Variants in RARB observed in about 807,000 individuals in gnomAD.
The protein encoded by RARB is retinoic acid receptor beta, also known as HBV-activated protein.
Under a neutral mutation model 51.9 loss-of-function variants are expected in RARB, and 17 were observed. The ratio of observed to expected loss-of-function variants is 0.33; its 90% CI spans 0.22 to 0.49. The LOEUF (loss-of-function observed/expected upper bound fraction) is 0.49, where lower values mean the gene tolerates loss of function less well. RARB is among the 20% of genes least tolerant of loss of function. The pLI is 0.99. For synonymous variants in RARB, 215 were observed against 195.4 expected, an observed-to-expected ratio of 1.10 and a Z score of -0.84; for missense variants, 369 against 550.8, an observed-to-expected ratio of 0.67 and a Z score of 3.30.
intron 5 of RARB, among the ~76,000 whole-genome samples, chr3:25,262,660 CTT>C (rs1375577696): frequency 1.3e-5 from 2 of 152,190 alleles, no homozygotes; most frequent in Non-Finnish European, 2.9e-5. Flanking sequence ...CTGCTTTCCT[CTT>C]TCACTTTTGA....
intron 2 of RARB, among the ~76,000 whole-genome samples, chr3:25,002,536 AAATT>A (rs1371977658): frequency 2.7e-4 from 41 of 152,282 alleles, no homozygotes; most frequent in African/African-American, 6.7e-4. Flanking sequence ...TTTAGGCTAA[AAATT>A]AATTGTTTTT....
At chr3:25,199,957 G>A (rs539447012) in intron 5 of RARB, among the ~76,000 whole-genome samples, 18 of 151,688 alleles carry the variant, frequency 1.2e-4, no homozygotes, top group East Asian at 1.9e-4. Flanking sequence ...TTGGGTATAC[G>A]CCCAGTAATG....
intron 2 of RARB, among the ~76,000 whole-genome samples, chr3:24,859,160 A>G (rs1003263532): frequency 1.3e-5 from 2 of 152,020 alleles, no homozygotes; most frequent in African/African-American, 4.8e-5. Context: ...CCAGTTAATC[A>G]GTTCAACTCA....
At chr3:24,898,851 C>G (rs1559387572) in intron 2 of RARB, among the ~76,000 whole-genome samples, 3 of 152,270 alleles carry the variant, frequency 2.0e-5, no homozygotes. Context: ...ACACCACATT[C>G]AAGGTAGGAA....
intron 2 of RARB, among the ~76,000 whole-genome samples, chr3:24,996,474 T>G (rs2125272600): frequency 6.6e-6 from 1 of 152,184 alleles, no homozygotes; most frequent in African/African-American, 2.4e-5. Flanking sequence ...CTGTTCTGAT[T>G]TTACTATTTT....
intron 3 of RARB, among the ~76,000 whole-genome samples, chr3:25,522,936 T>C (rs1698464002): frequency 6.6e-6 from 1 of 152,196 alleles, no homozygotes; most frequent in Non-Finnish European, 1.5e-5. Flanking sequence ...TAGAATATAA[T>C]TTAAATGTTC....
chr3:24,839,974 T>C lies in RARB; in HGVS notation c.-459+10571T>C, dbSNP rs1360719052. Among the ~76,000 whole-genome samples, 3 of 152,308 alleles carry C rather than the reference T, an allele frequency of 2.0e-5. No individual in the cohort carries two copies. In the East Asian group the frequency reaches 5.8e-4, roughly 29 times the overall value. ...GGGAGCAGGGGATTGGATGGTATCA[T>C]AGCTGAGAGCACAGCTCTATGACTC... is the stretch of plus-strand genomic sequence containing the variant. On this transcript the variant is annotated intron_variant, in intron 1 of 11. Coordinates refer to the RARB transcript ENST00000383772.
intron 3 of RARB, among the ~76,000 whole-genome samples, chr3:25,130,162 T>C (rs17517019): frequency 0.12 from 18,826 of 152,112 alleles, 1,549 homozygotes; most frequent in South Asian, 0.28. Context: ...CTATGTTTTG[T>C]TCATTTACAG....
intron 2 of RARB, among the ~76,000 whole-genome samples, chr3:24,936,046 C>T (rs566013804): frequency 6.6e-6 from 1 of 152,186 alleles, no homozygotes; most frequent in African/African-American, 2.4e-5. Context: ...AGTGTAGTTG[C>T]TGAGGATCCA....
rs147150682 is a variant in RARB at position 25,537,619 on chromosome 3, G to A, written c.449-32139G>A. On this transcript the variant is annotated intron_variant, in intron 3 of 7. Transcript: ENST00000330688. ...ATGCCTGTGGAATGAGGGGACTGTG[G>A]GTTTTAGTGTGTATTTCTGCAGCTC... 3.6e-3 allele frequency among the ~76,000 whole-genome samples: 554 copies of A among 152,226 alleles called. 4 individuals are homozygous for A. Among genetic ancestry groups the A allele is most frequent in the Middle Eastern group, 0.017 (5 of 294 alleles).
At chr3:25,500,770 C>T (rs1221429527) in intron 2 of RARB, among the ~76,000 whole-genome samples, 2 of 152,114 alleles carry the variant, frequency 1.3e-5, no homozygotes, top group African/African-American at 4.8e-5. Context: ...TGAGCCACTG[C>T]ACCCAGCCAG....
intron 2 of RARB, among the ~76,000 whole-genome samples, chr3:24,943,414 C>A (rs888391450): frequency 6.6e-6 from 1 of 152,132 alleles, no homozygotes. Context: ...AATCCATACC[C>A]CTTTAGGTCT....
chr3:25,323,874 A>C (rs75648383), intron 5 of RARB, among the ~76,000 whole-genome samples: 3,319 of 152,296 alleles, frequency 0.022, 122 homozygotes, highest in African/African-American at 0.07. Flanking sequence ...CTACAAGTTT[A>C]TCTCCCTTCT....
intron 5 of RARB, among the ~76,000 whole-genome samples, chr3:25,404,977 A>T (rs140300464): frequency 2.6e-5 from 4 of 152,116 alleles, no homozygotes; most frequent in Non-Finnish European, 4.4e-5. Context: ...AATTTATTAT[A>T]TGGGGACCTG....
chr3:25,350,760 A>G (rs1705541828), intron 5 of RARB, among the ~76,000 whole-genome samples: 1 of 152,228 alleles, frequency 6.6e-6, no homozygotes. Flanking sequence ...GAGAATCTGC[A>G]TATGAGAATA....
At chr3:25,526,373 T>A (rs1698648149) in intron 3 of RARB, among the ~76,000 whole-genome samples, 2 of 152,162 alleles carry the variant, frequency 1.3e-5, no homozygotes. Flanking sequence ...TGATAAGTGA[T>A]AAACATTGAG....
At chr3:25,095,305 G>A (rs1361529644) in intron 3 of RARB, among the ~76,000 whole-genome samples, 3 of 152,128 alleles carry the variant, frequency 2.0e-5, no homozygotes, top group Non-Finnish European at 4.4e-5. Flanking sequence ...AATAGGTTTG[G>A]GATTGGTTTA....
At chr3:25,350,799 G>T (rs1181811217) in intron 5 of RARB, among the ~76,000 whole-genome samples, 2 of 152,228 alleles carry the variant, frequency 1.3e-5, no homozygotes, top group Non-Finnish European at 2.9e-5. Context: ...AAAATAAGCT[G>T]CTATGATGCA....
At chr3:24,879,672 G>A (rs1420742850) in intron 2 of RARB, among the ~76,000 whole-genome samples, 2 of 151,832 alleles carry the variant, frequency 1.3e-5, no homozygotes, top group Admixed American at 6.6e-5. Context: ...ACAAAAAACC[G>A]AATCACTTTA....
Sources: gnomAD v4.1 joint callset for allele counts (sites outside exome capture counted in the v4.1 genomes callset) on GRCh38, gnomAD v4.1.1 for gene constraint, MANE v1.5 for transcripts, NCBI Gene and HGNC (gene_info 2026-07-23, HGNC 2026-07-21) for gene names.